The following POLR1C variants were observed in gnomAD, a reference collection of about 807,000 sequenced individuals.
POLR1C encodes RNA polymerase I and III subunit C.
In POLR1C, 42 loss-of-function variants were observed where a neutral mutation model predicts 38.3. The ratio of observed to expected loss-of-function variants is 1.10; its 90% CI spans 0.86 to 1.42. POLR1C has a LOEUF of 1.42. POLR1C is among the 40% of genes most tolerant of loss of function. The pLI is 0.00. For synonymous variants in POLR1C, 163 were observed against 163.9 expected (o/e 0.99, Z 0.04); for missense variants, 507 against 450.5 (o/e 1.13, Z -1.14).
chr6:43,560,058 A>G (rs572748597), intron 10 of POLR1C: 15 of 1,272,170 alleles, frequency 1.2e-5, no homozygotes, highest in African/African-American at 1.5e-5. Flanking sequence ...GGCTCAAGCG[A>G]TCCTCCCGCC....
chr6:43,560,795 C>T, intron 10 of POLR1C: 1 of 775,596 alleles, frequency 1.3e-6, no homozygotes, highest in South Asian at 1.6e-5. Context: ...AATGAAATGA[C>T]ACTACGGTCA....
At position 43,519,736 on chromosome 6, in the gene POLR1C, G is replaced by A. The variant is rs1366683047; in HGVS notation, c.280G>A (p.Val94Met). The stretch of plus-strand genomic sequence containing the variant: ...AACTATGGCTGTGGAGAAGGTCCTG[G>A]TGTACAATAATACATCCATTGTTCA... The part of the protein sequence containing the change: ...VPTMAVEKVL[V>M]YNNTSIVQDE... The change falls in exon 4 of 9, where the codon GTG becomes ATG. Residue 94 changes from valine (V) to methionine (M), a missense_variant. By Grantham distance (21) the Val-to-Met change is conservative. Transcript: ENST00000642195. 1 of 1,614,008 alleles carries A rather than the reference G, an allele frequency of 6.2e-7. No homozygotes were observed. The highest frequency in any genetic ancestry group is 1.7e-5 in the Admixed American group (1 of 60,006).
chr6:43,553,396 T>A (rs896161230), intron 10 of POLR1C: 4 of 1,608,530 alleles, frequency 2.5e-6, no homozygotes, highest in Non-Finnish European at 3.4e-6. Context: ...GTTCGAAACA[T>A]CTGGGTGATA....
At chr6:43,539,192 C>T in intron 9 of POLR1C, 2 of 1,136,082 alleles carry the variant, frequency 1.8e-6, no homozygotes, top group Non-Finnish European at 2.6e-6. Flanking sequence ...GATCTTGTTC[C>T]CCTAGTAGCC....
intron 8 of POLR1C, chr6:43,528,789 A>ATAG (rs1561864605): frequency 6.3e-7 from 1 of 1,580,478 alleles, no homozygotes; most frequent in Non-Finnish European, 8.7e-7. Context: ...AGAGGCCTTA[A>ATAG]TAGTACTCTT....
intron 9 of POLR1C, chr6:43,548,268 T>C: frequency 1.2e-6 from 2 of 1,609,346 alleles, no homozygotes; most frequent in Non-Finnish European, 1.7e-6. Flanking sequence ...TACCTGTGCA[T>C]GTCTTGAGAA....
chr6:43,522,294 A>C (rs1793236288), downstream of POLR1C: 1 of 152,608 alleles, frequency 6.6e-6, no homozygotes, highest in African/African-American at 2.4e-5. Flanking sequence ...GGAGTATGTC[A>C]CTGGTTTTAA....
chr6:43,557,809 A>C (rs1318851989), intron 10 of POLR1C, among the ~76,000 whole-genome samples: 1 of 122,940 alleles, frequency 8.1e-6, no homozygotes, highest in Non-Finnish European at 1.7e-5. Flanking sequence ...AAAAAAAAAA[A>C]GGAGGCTGGG....
Position 43,521,184 on chromosome 6 carries a change from T to TCAA in POLR1C, c.926_927insAAC (p.Ser309_Val310insThr). 6.2e-7 allele frequency: 1 copy of TCAA among 1,614,094 alleles called. No homozygotes were observed. The highest frequency in any genetic ancestry group is 8.5e-7 in the Non-Finnish European group (1 of 1,179,954). ...TAAAGTGTCTCTTTGGTCCCCAGTC[T>TCAA]CTGTTGAGTCAACGGGGGTGTTGCC... On this transcript the variant is annotated inframe_insertion, in exon 9 of 9. Transcript: ENST00000642195.
rs1359019507 is a variant in POLR1C at position 43,546,660 on chromosome 6, C to T, written c.*5-4308C>T. ...TTGGATTTCCACTGGATGTATAACC[C>T]ACCACAAATCCCCCAGCTTTGGCCT... is the stretch of plus-strand genomic sequence containing the variant. On this transcript the variant is annotated intron_variant, in intron 9 of 10. Coordinates refer to the POLR1C transcript ENST00000607635. 1.9e-6 allele frequency: 3 copies of T among 1,613,760 alleles called. No homozygotes were observed. Among genetic ancestry groups the T allele is most frequent in the East Asian group, 2.2e-5 (1 of 44,882 alleles).
At chr6:43,538,771 C>CA (rs1554133811) in intron 9 of POLR1C, 137 of 532,908 alleles carry the variant, frequency 2.6e-4, no homozygotes, top group Middle Eastern at 5.5e-4. Flanking sequence ...CTACATTTTT[C>CA]TTTTTTTTTT....
At chr6:43,530,926 C>G (rs1032367074), downstream of POLR1C, 12 of 1,404,128 alleles carry the variant, frequency 8.5e-6, no homozygotes, top group Non-Finnish European at 1.1e-5. Flanking sequence ...TAAGGTTTTT[C>G]AGCCAGAAGA....
At chr6:43,543,990 A>G (rs1477367130) in intron 9 of POLR1C, among the ~76,000 whole-genome samples, 1 of 152,170 alleles carries the variant, frequency 6.6e-6, no homozygotes, top group Non-Finnish European at 1.5e-5. Flanking sequence ...AAAATTTACT[A>G]AAAAAGCAAA....
intron 9 of POLR1C, among the ~76,000 whole-genome samples, chr6:43,536,769 A>G (rs1406886589): frequency 2.7e-5 from 4 of 148,480 alleles, no homozygotes; most frequent in Non-Finnish European, 6.0e-5. Context: ...AAAAAAAAAA[A>G]AAAAAAAAAA....
intron 9 of POLR1C, chr6:43,546,449 TAA>T (rs1794968338): frequency 1.1e-6 from 1 of 947,526 alleles, no homozygotes; most frequent in South Asian, 3.1e-5. Context: ...TAGAAAGAAA[TAA>T]GACTTAAATC....
downstream of POLR1C, chr6:43,524,333 C>T (rs1449403532): frequency 3.5e-6 from 4 of 1,156,002 alleles, no homozygotes; most frequent in East Asian, 1.1e-4. Flanking sequence ...GCCTGGGCAA[C>T]AAGAGTGAAA....
chr6:43,521,372 G>C lies in POLR1C; in HGVS notation c.*72G>C, dbSNP rs1438163939. The C allele has an allele frequency of 1.2e-6, 2 of 1,609,692 alleles. No individual in the cohort carries two copies. The highest frequency in any genetic ancestry group is 1.1e-5 in the South Asian group (1 of 90,352). On this transcript the variant is annotated 3_prime_UTR_variant, in exon 9 of 9. Coordinates refer to ENST00000642195, the MANE Select transcript of POLR1C (RefSeq NM_203290.4). ...CCACCCTACAGGACTGCTGAACAGA[G>C]AGCCCAGTGTGACTAGGGATCCTGA...
chr6:43,524,835 G>C (rs779859353), downstream of POLR1C: 18 of 1,610,826 alleles, frequency 1.1e-5, no homozygotes, highest in Non-Finnish European at 1.5e-5. Context: ...ACTCACCAGT[G>C]CCTCGTATAT....
downstream of POLR1C, chr6:43,523,425 G>A: frequency 3.1e-6 from 1 of 321,464 alleles, no homozygotes; most frequent in East Asian, 8.1e-5. Flanking sequence ...CTCAGTGGGA[G>A]TTGGAGTGGT....
Sources: allele counts gnomAD v4.1 joint callset (sites outside exome capture counted in the v4.1 genomes callset), GRCh38; gene constraint gnomAD v4.1.1; transcripts MANE v1.5; gene names NCBI Gene and HGNC (gene_info 2026-07-23, HGNC 2026-07-21).